The following SOX5 variants were observed in gnomAD, a reference collection of about 807,000 sequenced individuals.
SOX5 encodes the protein SRY-box transcription factor 5, also known as transcription factor SOX-5.
SOX5 carries 9 observed loss-of-function variants against 92.0 expected under a neutral mutation model. The observed-to-expected ratio is 0.10, with a 90% CI of 0.06 to 0.17. The LOEUF (loss-of-function observed/expected upper bound fraction) is 0.17, where lower values mean the gene tolerates loss of function less well. SOX5 is among the 10% of genes least tolerant of loss of function. The pLI is 1.00. For missense variants in SOX5, 642 were observed against 944.5 expected (o/e 0.68, Z 4.20); for synonymous variants, 344 against 336.3 (o/e 1.02, Z -0.25).
intron 1 of SOX5, among the ~76,000 whole-genome samples, chr12:24,477,611 T>C (rs1173413848): frequency 1.3e-5 from 2 of 152,144 alleles, no homozygotes; most frequent in African/African-American, 4.8e-5. Context: ...TGTAGAATAA[T>C]GGCATTTTCA....
chr12:24,489,431 C>T (rs1022640997), intron 1 of SOX5, among the ~76,000 whole-genome samples: 3 of 152,120 alleles, frequency 2.0e-5, no homozygotes, highest in East Asian at 1.9e-4. Context: ...TCTAAGTGGA[C>T]TTGCGGGAGG....
intron 3 of SOX5, among the ~76,000 whole-genome samples, chr12:23,834,332 A>G (rs565612872): frequency 1.3e-5 from 2 of 152,090 alleles, no homozygotes; most frequent in African/African-American, 4.8e-5. Flanking sequence ...ACAATAGGGT[A>G]GAGTCAGATT....
chr12:24,048,371 A>C (rs550329319), intron 4 of SOX5, among the ~76,000 whole-genome samples: 47 of 152,310 alleles, frequency 3.1e-4, no homozygotes, highest in African/African-American at 1.0e-3. Flanking sequence ...GCATGTCTCA[A>C]GTCCAACTGT....
intron 4 of SOX5, among the ~76,000 whole-genome samples, chr12:24,001,736 T>A (rs1165329435): frequency 1.3e-5 from 2 of 152,162 alleles, no homozygotes; most frequent in African/African-American, 4.8e-5. Flanking sequence ...TTGTGTGAAG[T>A]AAATAAAGGA....
intron 1 of SOX5, among the ~76,000 whole-genome samples, chr12:23,926,995 T>TA (rs1312857502): frequency 1.3e-5 from 2 of 152,058 alleles, no homozygotes; most frequent in African/African-American, 2.4e-5. Flanking sequence ...TGTTTACTAC[T>TA]AAAAAATGAA....
intron 1 of SOX5, among the ~76,000 whole-genome samples, chr12:23,936,327 T>C (rs1230990089): frequency 6.6e-6 from 1 of 150,912 alleles, no homozygotes; most frequent in Non-Finnish European, 1.5e-5. Context: ...TAAATCTAAT[T>C]TCCCATTTCA....
intron 6 of SOX5, among the ~76,000 whole-genome samples, chr12:23,728,640 T>C (rs941162097): frequency 6.6e-6 from 1 of 152,206 alleles, no homozygotes; most frequent in African/African-American, 2.4e-5. Flanking sequence ...ATGAAACCTT[T>C]ATCACAAATT....
chr12:24,135,281 C>G (rs74071432), intron 4 of SOX5, among the ~76,000 whole-genome samples: 1 of 152,186 alleles, frequency 6.6e-6, no homozygotes, highest in Non-Finnish European at 1.5e-5. Flanking sequence ...CAATCCAAAA[C>G]GGATCCCTCC....
chr12:23,879,022 T>C (rs1425691542), intron 2 of SOX5, among the ~76,000 whole-genome samples: 1 of 152,146 alleles, frequency 6.6e-6, no homozygotes, highest in Non-Finnish European at 1.5e-5. Context: ...TCATAAAATA[T>C]AAAACTGTGT....
chr12:24,110,353 A>T (rs1947176692), intron 4 of SOX5, among the ~76,000 whole-genome samples: 1 of 152,202 alleles, frequency 6.6e-6, no homozygotes, highest in South Asian at 2.1e-4. Context: ...TCTACCTACC[A>T]TTCATTAATC....
At chr12:23,753,068 G>T (rs182121151) in intron 4 of SOX5, among the ~76,000 whole-genome samples, 25 of 151,860 alleles carry the variant, frequency 1.6e-4, no homozygotes, top group African/African-American at 5.8e-4. Context: ...CTTGAAAAAT[G>T]AGATTGACTT....
chr12:24,205,859 T>C (rs1957968884), intron 4 of SOX5, among the ~76,000 whole-genome samples: 1 of 152,196 alleles, frequency 6.6e-6, no homozygotes, highest in Non-Finnish European at 1.5e-5. Flanking sequence ...TAAAAGAGCT[T>C]TTAAAAGACT....
intron 2 of SOX5, among the ~76,000 whole-genome samples, chr12:24,343,780 T>A (rs1025099302): frequency 1.4e-4 from 21 of 152,130 alleles, no homozygotes; most frequent in African/African-American, 5.1e-4. Context: ...AGGGGCTGAT[T>A]TGTGGGGAAG....
At chr12:24,074,002 A>T (rs1464325941) in intron 4 of SOX5, among the ~76,000 whole-genome samples, 1 of 152,076 alleles carries the variant, frequency 6.6e-6, no homozygotes, top group East Asian at 1.9e-4. Context: ...ATAAAATCTG[A>T]CACTGCACTC....
intron 1 of SOX5, among the ~76,000 whole-genome samples, chr12:24,544,166 C>T (rs931499109): frequency 5.9e-5 from 9 of 151,996 alleles, no homozygotes; most frequent in Admixed American, 2.0e-4. Context: ...TTTTTATTAG[C>T]AAAATAAAAG....
Position 24,314,858 on chromosome 12 carries a change from G to A in SOX5, c.-173-37546C>T, listed in dbSNP as rs116340579. ...TGCTTTGTTCCTCATTATATCCTTG[G>A]TACACAGAATTGTGCCTAGAACCTA... On this transcript the variant is annotated intron_variant, in intron 2 of 4. Transcript: ENST00000446891. Among the ~76,000 whole-genome samples, 470 of 152,188 alleles carry A rather than the reference G, an allele frequency of 3.1e-3. 2 individuals carry two copies. Among genetic ancestry groups the A allele is most frequent in the African/African-American group, 0.011 (455 of 41,520 alleles).
intron 6 of SOX5, among the ~76,000 whole-genome samples, chr12:23,682,752 TG>T (rs1393656257): frequency 6.6e-6 from 1 of 151,730 alleles, no homozygotes; most frequent in Non-Finnish European, 1.5e-5. Flanking sequence ...ATTACATGTT[TG>T]AAAAAATACA....
At chr12:24,238,122 T>G (rs1964871477) in intron 3 of SOX5, among the ~76,000 whole-genome samples, 4 of 152,204 alleles carry the variant, frequency 2.6e-5, no homozygotes, top group Admixed American at 2.6e-4. Context: ...AGAAAGAATT[T>G]TGTATAATAA....
intron 7 of SOX5, among the ~76,000 whole-genome samples, chr12:23,663,878 T>C (rs1453281438): frequency 2.6e-5 from 4 of 152,106 alleles, no homozygotes; most frequent in Non-Finnish European, 5.9e-5. Flanking sequence ...GATGAGTTGA[T>C]AACCTACAAA....
Sources: allele counts gnomAD v4.1 joint callset (sites outside exome capture counted in the v4.1 genomes callset), GRCh38; gene constraint gnomAD v4.1.1; transcripts MANE v1.5; gene names NCBI Gene and HGNC (gene_info 2026-07-23, HGNC 2026-07-21).